HS6ST2: variants seen among roughly 807,000 people sequenced by gnomAD.
HS6ST2 encodes the protein heparan-sulfate 6-O-sulfotransferase 2.
In HS6ST2, 17 loss-of-function variants were observed where a neutral mutation model predicts 33.0. That is an observed-to-expected ratio of 0.52 (90% CI 0.35 to 0.77). HS6ST2 has a LOEUF of 0.77. HS6ST2 is among the 30% of genes least tolerant of loss of function. The pLI is 0.01. For missense variants in HS6ST2, 519 were observed against 551.7 expected, an observed-to-expected ratio of 0.94 and a Z score of 0.59; for synonymous variants, 248 against 237.1, an observed-to-expected ratio of 1.05 and a Z score of -0.42.
chrX:132,924,100 C>T (rs143156926), intron 2 of HS6ST2, among the ~76,000 whole-genome samples: 1,453 of 112,222 alleles, frequency 0.013, 10 homozygotes, highest in Middle Eastern at 0.033. Context: ...AGCTACGATA[C>T]GTAACTTCCT....
At chrX:132,674,169 C>T (rs948789142) in intron 3 of HS6ST2, among the ~76,000 whole-genome samples, 2 of 111,585 alleles carry the variant, frequency 1.8e-5, no homozygotes, top group Non-Finnish European at 3.8e-5. Context: ...CTTCTAGTTT[C>T]CCTTTGCCTA....
intron 2 of HS6ST2, among the ~76,000 whole-genome samples, chrX:132,927,870 A>AG (rs1488514861): frequency 7.3e-5 from 8 of 109,535 alleles, no homozygotes; most frequent in African/African-American, 2.3e-4. Flanking sequence ...AAAAAAAAAA[A>AG]AAAAGAAAAG....
intron 2 of HS6ST2, among the ~76,000 whole-genome samples, chrX:132,789,583 A>G (rs997711109): frequency 8.9e-6 from 1 of 112,402 alleles, no homozygotes; most frequent in Non-Finnish European, 1.9e-5. Context: ...CATTTAATAA[A>G]TACATTTTGT....
chrX:132,761,787 C>T (rs1032240409), intron 2 of HS6ST2, among the ~76,000 whole-genome samples: 3 of 111,577 alleles, frequency 2.7e-5, no homozygotes, highest in Non-Finnish European at 5.7e-5. Flanking sequence ...CAGAAATGGC[C>T]GAGAAATGTG....
chrX:132,752,860 G>T (rs932475607), intron 2 of HS6ST2, among the ~76,000 whole-genome samples: 1 of 112,152 alleles, frequency 8.9e-6, no homozygotes, highest in Non-Finnish European at 1.9e-5. Flanking sequence ...GTATTGATGT[G>T]AAAAGAGGGA....
intron 3 of HS6ST2, among the ~76,000 whole-genome samples, chrX:132,695,794 A>G (rs2064100141): frequency 8.9e-6 from 1 of 112,197 alleles, no homozygotes; most frequent in Admixed American, 9.5e-5. Flanking sequence ...CAAAAGTTTA[A>G]AAGTGGTTAC....
chrX:132,776,755 T>C (rs2064963709), intron 2 of HS6ST2, among the ~76,000 whole-genome samples: 1 of 111,404 alleles, frequency 9.0e-6, no homozygotes, highest in Non-Finnish European at 1.9e-5. Flanking sequence ...AGTTAGTCAC[T>C]AGGCCATCCC....
chrX:132,931,256 T>C (rs1219016253), intron 2 of HS6ST2, among the ~76,000 whole-genome samples: 1 of 111,344 alleles, frequency 9.0e-6, no homozygotes, highest in East Asian at 2.8e-4. Flanking sequence ...AATTCCTAGC[T>C]CCCAGTCAAG....
At chrX:132,757,915 T>C (rs2064772931) in intron 2 of HS6ST2, among the ~76,000 whole-genome samples, 1 of 112,022 alleles carries the variant, frequency 8.9e-6, no homozygotes, top group Middle Eastern at 4.2e-3. Flanking sequence ...ATAAATACTT[T>C]CCTTCAGGAA....
At chrX:132,681,216 A>G in intron 3 of HS6ST2, among the ~76,000 whole-genome samples, 1 of 111,812 alleles carries the variant, frequency 8.9e-6, no homozygotes, top group East Asian at 2.8e-4. Flanking sequence ...CCAAACAAAT[A>G]TAGAATTATT....
At chrX:132,889,207 A>G (rs968766607) in intron 2 of HS6ST2, among the ~76,000 whole-genome samples, 2 of 111,136 alleles carry the variant, frequency 1.8e-5, no homozygotes, top group Admixed American at 9.7e-5. Flanking sequence ...AGCTAAGATC[A>G]GAAAGTACTA....
intron 3 of HS6ST2, among the ~76,000 whole-genome samples, chrX:132,689,110 C>T (rs1315848075): frequency 8.9e-6 from 1 of 112,047 alleles, no homozygotes; most frequent in Non-Finnish European, 1.9e-5. Context: ...CTGTCCCAAG[C>T]TGGAATCAAC....
At chrX:132,892,506 G>T (rs1401768966) in intron 2 of HS6ST2, among the ~76,000 whole-genome samples, 1 of 112,266 alleles carries the variant, frequency 8.9e-6, no homozygotes. Context: ...ATCCACAAAT[G>T]TTCAAGAGCC....
intron 3 of HS6ST2, among the ~76,000 whole-genome samples, chrX:132,687,745 A>C (rs1268326642): frequency 9.1e-6 from 1 of 109,413 alleles, no homozygotes; most frequent in African/African-American, 3.4e-5. Context: ...AGAAGACACT[A>C]GTCAACATTT....
At chrX:132,915,492 C>T (rs1434915427) in intron 2 of HS6ST2, among the ~76,000 whole-genome samples, 2 of 111,605 alleles carry the variant, frequency 1.8e-5, no homozygotes, top group Non-Finnish European at 3.8e-5. Context: ...GGATGGTCTT[C>T]TCAGTTCTGT....
At chrX:132,666,609 T>G (rs2063812072) in intron 4 of HS6ST2, among the ~76,000 whole-genome samples, 1 of 111,237 alleles carries the variant, frequency 9.0e-6, no homozygotes, top group Non-Finnish European at 1.9e-5. Flanking sequence ...ACCAAGTGCT[T>G]GGGACACAGG....
At chrX:132,939,697 C>T (rs1359143393) in intron 2 of HS6ST2, among the ~76,000 whole-genome samples, 2 of 111,460 alleles carry the variant, frequency 1.8e-5, no homozygotes, top group Non-Finnish European at 3.8e-5. Context: ...ATTCAATTTA[C>T]AATAATATCA....
At chrX:132,857,298 A>C (rs1048585048) in intron 2 of HS6ST2, among the ~76,000 whole-genome samples, 4 of 111,080 alleles carry the variant, frequency 3.6e-5, no homozygotes, top group Non-Finnish European at 5.7e-5. Context: ...AACCTGACCA[A>C]CATGGTGAAA....
At chrX:132,637,828 TTATATATAATATTTTATATATAATA>T (rs1333109301) in intron 4 of HS6ST2, among the ~76,000 whole-genome samples, 9,798 of 58,315 alleles carry the variant, frequency 0.17, 2,188 homozygotes, top group African/African-American at 0.63. Context: ...ATATATAATA[TTATATATAATATTTTATATATAATA>T]TATATATAAT....
Sources: gnomAD v4.1 joint callset for allele counts (sites outside exome capture counted in the v4.1 genomes callset) on GRCh38, gnomAD v4.1.1 for gene constraint, MANE v1.5 for transcripts, NCBI Gene and HGNC (gene_info 2026-07-23, HGNC 2026-07-21) for gene names.